Variants in TMED1 observed in about 807,000 individuals in gnomAD.
TMED1 encodes transmembrane p24 trafficking protein 1.
A neutral mutation model predicts 21.2 loss-of-function variants in TMED1; 20 were observed. That is an observed-to-expected ratio of 0.95 (90% CI 0.67 to 1.37). The LOEUF is 1.37. Among genes scored for constraint, TMED1 ranks in the 40% most tolerant of loss-of-function variants. The pLI is 0.00. For synonymous variants in TMED1, 149 were observed against 134.7 expected, an observed-to-expected ratio of 1.11 and a Z score of -0.74; for missense variants, 316 against 309.8, an observed-to-expected ratio of 1.02 and a Z score of -0.15.
chr19:10,836,046 G>A lies in TMED1; in HGVS notation c.146C>T (p.Ser49Phe). Residue 49 changes from serine (S) to phenylalanine (F), a missense_variant, in exon 1 of 4, where the codon TCC (serine) becomes TTC (phenylalanine). Ser to Phe is a radical substitution (Grantham distance 155, BLOSUM62 -2). Coordinates refer to ENST00000214869, the MANE Select transcript of TMED1 (RefSeq NM_006858.4). The part of the protein sequence containing the change: ...PAGRKQCFYQ[S>F]APANASLETE... ...CTCGAGGCTTGCGTTGGCCGGCGCGGACTGGTAGAAACACTGCTTCCTCCC... is the reference window on the plus strand; with the variant it reads ...CTCGAGGCTTGCGTTGGCCGGCGCGAACTGGTAGAAACACTGCTTCCTCCC... The A allele has an allele frequency of 6.3e-7, 1 of 1,596,726 alleles. No homozygotes were observed. Among genetic ancestry groups the A allele is most frequent in the Non-Finnish European group, 8.5e-7 (1 of 1,172,330 alleles).
intron 2 of TMED1, 34 bp downstream of exon 2, chr19:10,835,222 A>C: frequency 6.2e-7 from 1 of 1,613,864 alleles, no homozygotes; most frequent in South Asian, 1.1e-5. Context: ...CAGGGCTGTA[A>C]CTGAACCCAG....
In TMED1 at chr19:10,832,470, GC is replaced by G; in HGVS notation, c.*524del. 2.4e-6 allele frequency: 2 copies of G among 826,398 alleles called. No individual in the cohort carries two copies. The highest frequency in any genetic ancestry group is 3.5e-6 in the Non-Finnish European group (2 of 577,578). 51.2% of individuals were successfully genotyped at this position (826,398 alleles called of 1,614,324 possible). ...CTGACCATAATTTATTGACTCCAAT[GC>G]CCAGGCCACACCACCCTTTGTTATA... On this transcript the variant is annotated 3_prime_UTR_variant, in exon 4 of 4. Coordinates refer to ENST00000214869, the MANE Select transcript of TMED1 (RefSeq NM_006858.4).
Position 10,833,186 on chromosome 19 carries a change from G to T in TMED1, c.493C>A (p.Leu165Met). 1 of 1,613,546 alleles carries T rather than the reference G, an allele frequency of 6.2e-7. No homozygotes were observed. Among genetic ancestry groups the T allele is most frequent in the Non-Finnish European group, 8.5e-7 (1 of 1,179,956 alleles). The change falls in exon 4 of 4, where the codon CTG (leucine) becomes ATG (methionine). Residue 165 changes from leucine to methionine, a missense_variant. By Grantham distance (15) the Leu-to-Met change is conservative. Coordinates refer to ENST00000214869, the MANE Select transcript of TMED1 (RefSeq NM_006858.4). ...GTGAGCATCTGGATGCTGCGCTCCAGCCGGGTCCGCATGGTCTCAATGGAC... is the reference window on the plus strand; with the variant it reads ...GTGAGCATCTGGATGCTGCGCTCCATCCGGGTCCGCATGGTCTCAATGGAC... ...KESIETMRTR[L>M]ERSIQMLTLL...
intron 1 of TMED1, 93 bp from the exon 2 acceptor site, chr19:10,835,446 GACC>G (rs760105905): frequency 1.0e-4 from 160 of 1,562,322 alleles, no homozygotes; most frequent in Non-Finnish European, 1.3e-4. Context: ...GATCAATACA[GACC>G]ACCAAGGGCT....
chr19:10,834,565 C>T (rs544966524), intron 3 of TMED1, among the ~76,000 whole-genome samples: 6 of 151,510 alleles, frequency 4.0e-5, no homozygotes, highest in African/African-American at 1.5e-4. Context: ...GTTCAACTTC[C>T]ACCTCCTGGG....
intron 1 of TMED1, 120 bp downstream of exon 1, chr19:10,835,889 C>G (rs1194861346): frequency 7.7e-6 from 11 of 1,432,756 alleles, no homozygotes; most frequent in Non-Finnish European, 1.0e-5. Flanking sequence ...TTTCTAGCTC[C>G]GCCCCCGCGC....
intron 3 of TMED1, 131 bp downstream of exon 3, chr19:10,834,803 G>C: frequency 9.0e-7 from 1 of 1,107,686 alleles, no homozygotes. Context: ...CTTATTTTAA[G>C]AGCTGCTACT....
At chr19:10,835,511 G>GT in intron 1 of TMED1, 158 bp from the exon 2 acceptor site, 2 of 1,471,366 alleles carry the variant, frequency 1.4e-6, no homozygotes, top group South Asian at 2.6e-5. Flanking sequence ...CAGTGGCTGC[G>GT]CCCCTTGCCT....
rs766046399 is a variant in TMED1 at position 10,836,009 on chromosome 19, C to G, written c.183G>C (p.Gln61His). The G allele has an allele frequency of 6.9e-6, 11 of 1,590,654 alleles. No individual in the cohort carries two copies. The highest frequency in any genetic ancestry group is 9.4e-6 in the Non-Finnish European group (11 of 1,169,338). Residue 61 changes from glutamine to histidine, a missense_variant and splice_region_variant, in exon 1 of 4, where the codon CAG becomes CAC. By Grantham distance (24) the Gln-to-His change is conservative (BLOSUM62 0). Coordinates refer to ENST00000214869, the MANE Select transcript of TMED1 (RefSeq NM_006858.4). ...PANASLETEY[Q>H]VIGGAGLDVD... Reference sequence around the variant, plus strand: ...GGCCGCCCAGCCCGCGACCCTCTACCTGGTATTCGGTCTCGAGGCTTGCGT... The same window carrying G: ...GGCCGCCCAGCCCGCGACCCTCTACGTGGTATTCGGTCTCGAGGCTTGCGT...
intron 3 of TMED1, among the ~76,000 whole-genome samples, chr19:10,834,523 G>T (rs901783610): frequency 1.4e-5 from 2 of 147,008 alleles, no homozygotes; most frequent in African/African-American, 5.1e-5. Context: ...GCAATGGTGC[G>T]ATCTCGGCTC....
Position 10,835,319 on chromosome 19 carries a change from G to A in TMED1, c.218C>T (p.Thr73Met), listed in dbSNP as rs200029921. ...IGGAGLDVDF[T>M]LESPQGVLLV... ...CAGCACGCCCTGAGGGCTCTCCAGCGTGAAGTCCACGTCCAGTCCAGCACC... is the reference window on the plus strand; with the variant it reads ...CAGCACGCCCTGAGGGCTCTCCAGCATGAAGTCCACGTCCAGTCCAGCACC... The change falls in exon 2 of 4, where the codon ACG becomes ATG. Residue 73 changes from threonine to methionine, a missense_variant. Transcript: ENST00000214869. 1.7e-5 allele frequency: 27 copies of A among 1,613,726 alleles called. No individual in the cohort carries two copies. Among genetic ancestry groups the A allele is most frequent in the South Asian group, 2.2e-5 (2 of 91,084 alleles).
rs776421448 is a variant in TMED1, at chr19:10,832,977, TTC to T, written c.*16_*17del. 6.2e-7 allele frequency: 1 copy of T among 1,608,912 alleles called. No individual in the cohort carries two copies. ...CTGCTGCCCCTCCTTTGTCCCGTTC[TTC>T]CTTCCATGGCAGGGGCTACGTGGGC... is the stretch of plus-strand genomic sequence containing the variant. On this transcript the variant is annotated 3_prime_UTR_variant, in exon 4 of 4. Coordinates refer to ENST00000214869, the MANE Select transcript of TMED1 (RefSeq NM_006858.4).
rs1463321222 is a variant in TMED1 at position 10,835,690 on chromosome 19, G to A, written c.183+319C>T. On this transcript the variant is annotated intron_variant, in intron 1 of 3. Coordinates refer to ENST00000214869, the MANE Select transcript of TMED1 (RefSeq NM_006858.4). ...CTAACCCCCGAGAAAGGCCTGTGTGGGCAACGCCCCCGCAGTTGACCTATC... is the reference window on the plus strand; with the variant it reads ...CTAACCCCCGAGAAAGGCCTGTGTGAGCAACGCCCCCGCAGTTGACCTATC... 2.9e-6 allele frequency: 4 copies of A among 1,399,992 alleles called. No homozygotes were observed. In the African/African-American group the frequency reaches 4.3e-5, roughly 15 times the overall value. The allele number at this position is 1,399,992 out of a possible 1,614,324, so 86.7% of individuals were successfully genotyped here.
chr19:10,835,753 TCTCA>T (rs2146227162), intron 1 of TMED1: 1 of 1,413,260 alleles, frequency 7.1e-7, no homozygotes, highest in Non-Finnish European at 9.2e-7. Context: ...AGTCCTGTCC[TCTCA>T]GAGGCTCCCT....
intron 1 of TMED1, 166 bp downstream of exon 1, chr19:10,835,843 C>A (rs901445511): frequency 7.1e-6 from 7 of 980,412 alleles, no homozygotes; most frequent in Non-Finnish European, 8.5e-6. Flanking sequence ...TCCCCTTCCG[C>A]TCCCACACAC....
At chr19:10,835,214 G>A (rs767590920) in intron 2 of TMED1, 42 bp downstream of exon 2, 1 of 1,613,486 alleles carries the variant, frequency 6.2e-7, no homozygotes, top group Non-Finnish European at 8.5e-7. Context: ...GGGAAGGGCA[G>A]GGCTGTAACT....
chr19:10,832,570 G>A lies in TMED1; in HGVS notation c.*425C>T. ...GGGCCCCTGCAGGAGAGGGGCCGGGGCAGGTGGTCTTCCAGGCCCCCTTCC... is the reference window on the plus strand; with the variant it reads ...GGGCCCCTGCAGGAGAGGGGCCGGGACAGGTGGTCTTCCAGGCCCCCTTCC... On this transcript the variant is annotated 3_prime_UTR_variant, in exon 4 of 4. Coordinates refer to ENST00000214869, the MANE Select transcript of TMED1 (RefSeq NM_006858.4). 2.1e-6 allele frequency: 1 copy of A among 471,196 alleles called. No homozygotes were observed. Among genetic ancestry groups the A allele is most frequent in the Admixed American group, 3.5e-5 (1 of 28,612 alleles). 29.2% of individuals were successfully genotyped at this position (471,196 alleles called of 1,614,324 possible).
At chr19:10,834,873 G>A in intron 3 of TMED1, 61 bp downstream of exon 3, 2 of 1,568,984 alleles carry the variant, frequency 1.3e-6, no homozygotes, top group East Asian at 4.5e-5. Flanking sequence ...AGCCCAAGGG[G>A]GGCACCCCAG....
Position 10,832,229 on chromosome 19 carries a change from C to A in TMED1, c.*766G>T. 8.2e-7 allele frequency: 1 copy of A among 1,226,386 alleles called. No homozygotes were observed. Among genetic ancestry groups the A allele is most frequent in the Non-Finnish European group, 1.1e-6 (1 of 931,220 alleles). 76.0% of individuals were successfully genotyped at this position (1,226,386 alleles called of 1,614,324 possible). A position where few individuals can be genotyped will look rare whatever the true frequency, so the allele number is the denominator to read the frequency against. ...CCCTCAGGCCCTGCTTCTCTCACCT[C>A]GTGGGGAAGCCCAAGCCTCGTGGCC... On this transcript the variant is annotated 3_prime_UTR_variant, in exon 4 of 4. Coordinates refer to ENST00000214869, the MANE Select transcript of TMED1 (RefSeq NM_006858.4).
Sources: gnomAD v4.1 joint callset for allele counts (sites outside exome capture counted in the v4.1 genomes callset) on GRCh38, gnomAD v4.1.1 for gene constraint, MANE v1.5 for transcripts, NCBI Gene and HGNC (gene_info 2026-07-23, HGNC 2026-07-21) for gene names.